Variants in ASRGL1 observed in about 807,000 individuals in gnomAD.
ASRGL1 encodes isoaspartyl peptidase/L-asparaginase.
A neutral mutation model predicts 22.4 loss-of-function variants in ASRGL1; 16 were observed. The ratio of observed to expected loss-of-function variants is 0.71; its 90% CI spans 0.48 to 1.08. The LOEUF (loss-of-function observed/expected upper bound fraction) is 1.08. Among genes scored for constraint, ASRGL1 ranks in the 50% least tolerant of loss-of-function variants. ASRGL1 has a pLI of 0.00. For missense variants in ASRGL1, 412 were observed against 410.1 expected (o/e 1.00, Z -0.04); for synonymous variants, 165 against 159.3 (o/e 1.04, Z -0.27).
chr11:62,361,633 G>T (rs564417695), intron 4 of ASRGL1, among the ~76,000 whole-genome samples: 3 of 151,560 alleles, frequency 2.0e-5, no homozygotes, highest in Admixed American at 2.0e-4. Context: ...GACTACAGGC[G>T]CATGCCACCA....
chr11:62,344,652 A>G (rs1046508062), intron 2 of ASRGL1, among the ~76,000 whole-genome samples: 1 of 151,480 alleles, frequency 6.6e-6, no homozygotes, highest in African/African-American at 2.4e-5. Context: ...AGTACGTGAG[A>G]TATTGTGATA....
chr11:62,372,127 G>T (rs2134658717), intron 4 of ASRGL1: 1 of 820,740 alleles, frequency 1.2e-6, no homozygotes. Context: ...GAAAGCTGTG[G>T]AGCTGGGGTC....
chr11:62,347,104 T>C (rs1369330344), intron 2 of ASRGL1, among the ~76,000 whole-genome samples: 1 of 152,206 alleles, frequency 6.6e-6, no homozygotes, highest in East Asian at 1.9e-4. Flanking sequence ...GGAAGTCTCA[T>C]GTAACCTTTG....
chr11:62,397,936 A>C (rs1217285050), downstream of ASRGL1, among the ~76,000 whole-genome samples: 4 of 151,982 alleles, frequency 2.6e-5, no homozygotes, highest in African/African-American at 9.7e-5. Context: ...CAAATCCAGC[A>C]CCTTTCTTAC....
intron 2 of ASRGL1, among the ~76,000 whole-genome samples, chr11:62,338,773 A>G (rs1945790363): frequency 6.6e-6 from 1 of 151,668 alleles, no homozygotes; most frequent in South Asian, 2.1e-4. Flanking sequence ...CACCTCTACT[A>G]AAAATACAAA....
At chr11:62,395,772 T>C (rs972038769), downstream of ASRGL1, among the ~76,000 whole-genome samples, 2 of 102,894 alleles carry the variant, frequency 1.9e-5, no homozygotes, top group African/African-American at 6.9e-5. Context: ...TTTTTTTTTT[T>C]TTTTTTTTTT....
At chr11:62,400,042 G>A in the ASRGL1 span, among the ~76,000 whole-genome samples, 1 of 152,182 alleles carries the variant, frequency 6.6e-6, no homozygotes, top group African/African-American at 2.4e-5. Flanking sequence ...CCATCCTCCA[G>A]AATGAGGTCA....
intron 4 of ASRGL1, among the ~76,000 whole-genome samples, chr11:62,369,474 A>T (rs536724924): frequency 6.6e-6 from 1 of 152,182 alleles, no homozygotes; most frequent in South Asian, 2.1e-4. Flanking sequence ...TTTTGACAAA[A>T]CTGCCATCAT....
chr11:62,373,249 C>A, intron 4 of ASRGL1: 1 of 774,226 alleles, frequency 1.3e-6, no homozygotes, highest in Non-Finnish European at 2.3e-6. Flanking sequence ...GACGGGAAGT[C>A]AAACAAGGAA....
chr11:62,346,423 C>T (rs1946023103), intron 2 of ASRGL1, among the ~76,000 whole-genome samples: 1 of 152,148 alleles, frequency 6.6e-6, no homozygotes, highest in African/African-American at 2.4e-5. Flanking sequence ...CTCCCATCAT[C>T]AGCCCTTACA....
chr11:62,388,955 T>G (rs113469799), intron 4 of ASRGL1, among the ~76,000 whole-genome samples, 178 bp from the exon 5 acceptor site: 1 of 152,096 alleles, frequency 6.6e-6, no homozygotes, highest in Non-Finnish European at 1.5e-5. Context: ...TGTCCAGCAA[T>G]CCACCTGTAA....
intron 4 of ASRGL1, among the ~76,000 whole-genome samples, chr11:62,364,158 C>CAAAAAAAA: frequency 1.1e-5 from 1 of 93,492 alleles, no homozygotes; most frequent in East Asian, 2.9e-4. Context: ...GAGTCCGTCT[C>CAAAAAAAA]AAAAAAAAAA....
downstream of ASRGL1, among the ~76,000 whole-genome samples, chr11:62,396,359 C>G (rs576641596): frequency 6.6e-6 from 1 of 152,270 alleles, no homozygotes; most frequent in South Asian, 2.1e-4. Context: ...CACATCCACA[C>G]CCCCACAAAG....
At chr11:62,367,992 G>T (rs1331978445) in intron 4 of ASRGL1, among the ~76,000 whole-genome samples, 1 of 151,214 alleles carries the variant, frequency 6.6e-6, no homozygotes, top group Non-Finnish European at 1.5e-5. Flanking sequence ...TTTTTTTTCT[G>T]GCAGGTGGAT....
downstream of ASRGL1, among the ~76,000 whole-genome samples, chr11:62,398,169 G>A (rs1378523946): frequency 6.6e-6 from 1 of 152,042 alleles, no homozygotes; most frequent in African/African-American, 2.4e-5. Flanking sequence ...GGAAATATGG[G>A]TTGTGCCAAA....
At chr11:62,341,352 C>T (rs913373728) in intron 2 of ASRGL1, among the ~76,000 whole-genome samples, 1 of 152,050 alleles carries the variant, frequency 6.6e-6, no homozygotes, top group Non-Finnish European at 1.5e-5. Flanking sequence ...GCACCCACCA[C>T]CAGGACCAGC....
chr11:62,344,732 A>G (rs1236292539), intron 2 of ASRGL1, among the ~76,000 whole-genome samples: 1 of 152,166 alleles, frequency 6.6e-6, no homozygotes, highest in Non-Finnish European at 1.5e-5. Context: ...CCTTTGTGTT[A>G]TAAACAATTA....
intron 2 of ASRGL1, among the ~76,000 whole-genome samples, chr11:62,346,236 A>C (rs1255354314): frequency 4.6e-5 from 7 of 152,158 alleles, no homozygotes; most frequent in African/African-American, 1.7e-4. Flanking sequence ...TAGCTCACAG[A>C]ACTCAGAGAA....
chr11:62,368,032 C>T (rs761408535), intron 4 of ASRGL1, among the ~76,000 whole-genome samples: 24 of 151,908 alleles, frequency 1.6e-4, no homozygotes, highest in Admixed American at 3.3e-4. Flanking sequence ...GAGACTGTAA[C>T]CAGTTTAGGG....
Sources: allele counts gnomAD v4.1 joint callset (sites outside exome capture counted in the v4.1 genomes callset), GRCh38; gene constraint gnomAD v4.1.1; transcripts MANE v1.5; gene names NCBI Gene and HGNC (gene_info 2026-07-23, HGNC 2026-07-21).